CDH2: variants seen among roughly 807,000 people sequenced by gnomAD.
CDH2 encodes cadherin 2, also known as cadherin-2.
A neutral mutation model predicts 92.0 loss-of-function variants in CDH2; 17 were observed. That is an observed-to-expected ratio of 0.18 (90% CI 0.13 to 0.28). CDH2 has a LOEUF of 0.28. Among genes scored for constraint, CDH2 ranks in the 10% least tolerant of loss-of-function variants. CDH2 has a pLI of 1.00. For synonymous variants in CDH2, 419 were observed against 415.9 expected, an observed-to-expected ratio of 1.01 and a Z score of -0.09; for missense variants, 862 against 1,133.1, an observed-to-expected ratio of 0.76 and a Z score of 3.44.
At chr18:27,972,944 G>A (rs2011705415) in intron 14 of CDH2, among the ~76,000 whole-genome samples, 1 of 152,180 alleles carries the variant, frequency 6.6e-6, no homozygotes, top group Non-Finnish European at 1.5e-5. Context: ...TGGCTAAACA[G>A]AATTAGGTGA....
At chr18:28,109,119 A>T (rs2015369684) in intron 2 of CDH2, among the ~76,000 whole-genome samples, 1 of 152,076 alleles carries the variant, frequency 6.6e-6, no homozygotes. Context: ...GTATCTACAA[A>T]CTCCTATTAC....
intron 2 of CDH2, among the ~76,000 whole-genome samples, chr18:28,139,569 C>T (rs2015919949): frequency 6.6e-6 from 1 of 152,004 alleles, no homozygotes; most frequent in South Asian, 2.1e-4. Context: ...ATGGTGACTT[C>T]TCAGTCCTCA....
chr18:28,010,589 C>T (rs1173111134), intron 4 of CDH2, among the ~76,000 whole-genome samples: 3 of 151,270 alleles, frequency 2.0e-5, no homozygotes, highest in Middle Eastern at 3.5e-3. Context: ...TGGAAGGGGA[C>T]GAAGGGAGGC....
intron 2 of CDH2, among the ~76,000 whole-genome samples, chr18:28,100,133 G>T (rs762350622): frequency 5.9e-5 from 9 of 152,130 alleles, no homozygotes; most frequent in Non-Finnish European, 1.3e-4. Context: ...GTGCCATGGG[G>T]TGCCTGGGTA....
intron 15 of CDH2, among the ~76,000 whole-genome samples, chr18:27,960,216 A>G (rs982715533): frequency 6.6e-6 from 1 of 151,934 alleles, no homozygotes; most frequent in Admixed American, 6.5e-5. Context: ...GGATGGAACC[A>G]TGGGATCTGT....
At chr18:27,947,713 ATATAAG>A (rs773834328), downstream of CDH2, among the ~76,000 whole-genome samples, 545 of 137,798 alleles carry the variant, frequency 4.0e-3, 1 homozygote, top group Middle Eastern at 0.03. Flanking sequence ...AGTATATGTG[ATATAAG>A]TATGTGATGT....
intron 14 of CDH2, among the ~76,000 whole-genome samples, chr18:27,979,583 T>C (rs1269891733): frequency 6.6e-6 from 1 of 152,098 alleles, no homozygotes; most frequent in Non-Finnish European, 1.5e-5. Context: ...CCAAGTGAAG[T>C]AGGATGGATA....
At chr18:27,993,835 T>C (rs1269896392) in intron 7 of CDH2, among the ~76,000 whole-genome samples, 198 bp from the exon 8 acceptor site, 1 of 152,218 alleles carries the variant, frequency 6.6e-6, no homozygotes, top group Non-Finnish European at 1.5e-5. Flanking sequence ...GAGATTTAAC[T>C]GTGTATATTC....
chr18:27,999,594 A>C (rs935339046), intron 7 of CDH2, among the ~76,000 whole-genome samples: 16 of 152,160 alleles, frequency 1.1e-4, no homozygotes, highest in African/African-American at 3.9e-4. Flanking sequence ...GGCAGTGGGG[A>C]AAACAATAGC....
At chr18:28,092,450 C>T (rs894178370) in intron 2 of CDH2, among the ~76,000 whole-genome samples, 11 of 151,826 alleles carry the variant, frequency 7.2e-5, no homozygotes, top group African/African-American at 2.7e-4. Flanking sequence ...TTGTCACCCT[C>T]AGAAGACTAT....
chr18:27,962,097 C>A (rs140538110), intron 15 of CDH2, among the ~76,000 whole-genome samples: 1 of 152,300 alleles, frequency 6.6e-6, no homozygotes, highest in South Asian at 2.1e-4. Context: ...GGCACTCTTA[C>A]ATTTTTCTAA....
At chr18:28,046,049 T>C (rs2014068668) in intron 2 of CDH2, among the ~76,000 whole-genome samples, 1 of 152,204 alleles carries the variant, frequency 6.6e-6, no homozygotes, top group African/African-American at 2.4e-5. Flanking sequence ...TTATTTAAGG[T>C]AGTCAAGTAT....
chr18:28,153,114 G>C (rs1226729651), intron 1 of CDH2, among the ~76,000 whole-genome samples: 2 of 152,194 alleles, frequency 1.3e-5, no homozygotes, highest in Non-Finnish European at 2.9e-5. Context: ...CATAGCTGAA[G>C]TGACATTTAG....
At chr18:28,052,128 T>A (rs750973850) in intron 2 of CDH2, among the ~76,000 whole-genome samples, 9 of 152,176 alleles carry the variant, frequency 5.9e-5, no homozygotes, top group Non-Finnish European at 1.2e-4. Flanking sequence ...CAAGCTTGTA[T>A]ATTTTACAAA....
chr18:28,003,295 T>A, intron 6 of CDH2, 126 bp from the exon 7 acceptor site: 1 of 657,134 alleles, frequency 1.5e-6, no homozygotes, highest in Non-Finnish European at 2.5e-6. Flanking sequence ...TAAAGTCATT[T>A]AGACTTGATT....
intron 2 of CDH2, among the ~76,000 whole-genome samples, chr18:28,021,759 T>C (rs1793077157): frequency 6.6e-6 from 1 of 151,950 alleles, no homozygotes; most frequent in Admixed American, 6.6e-5. Context: ...TGAATGAAAA[T>C]GTGGAAATAC....
intron 2 of CDH2, among the ~76,000 whole-genome samples, chr18:28,052,053 C>T (rs1226347032): frequency 3.9e-5 from 6 of 151,960 alleles, no homozygotes; most frequent in Non-Finnish European, 8.8e-5. Context: ...AAAACAACAA[C>T]GATGTCATTA....
Position 28,036,676 on chromosome 18 carries a change from T to C in CDH2, c.173-22767A>G. 8.7e-6 allele frequency: 6 copies of C among 688,874 alleles called. No individual in the cohort carries two copies. In the South Asian group the frequency reaches 1.0e-4, roughly 12 times the overall value. The allele number at this position is 688,874 out of a possible 1,614,324, so 42.7% of individuals were successfully genotyped here. ...AAATGCCGATGCAGCTTTTTATAAC[T>C]GGAATACTGACCGTCAGCAAAACAG... On this transcript the variant is annotated intron_variant, in intron 2 of 15. Transcript: ENST00000269141.
At position 27,952,053 on chromosome 18, in the gene CDH2, G is replaced by T; in HGVS notation, c.*100C>A. On this transcript the variant is annotated 3_prime_UTR_variant, in exon 16 of 16. Coordinates refer to ENST00000269141, the MANE Select transcript of CDH2 (RefSeq NM_001792.5). ...TGCCAAAGCCTCCAGCAAGCACTGT[G>T]CTAGTAGACTACAAAGTTAAAGCCT... 9.6e-7 allele frequency: 1 copy of T among 1,041,274 alleles called. No homozygotes were observed. The highest frequency in any genetic ancestry group is 1.5e-6 in the Non-Finnish European group (1 of 671,534). The allele number at this position is 1,041,274 out of a possible 1,614,324, so 64.5% of individuals were successfully genotyped here.
Sources: allele counts gnomAD v4.1 joint callset (sites outside exome capture counted in the v4.1 genomes callset), GRCh38; gene constraint gnomAD v4.1.1; transcripts MANE v1.5; gene names NCBI Gene and HGNC (gene_info 2026-07-23, HGNC 2026-07-21).